The following CMC1 variants were observed in gnomAD, a reference collection of about 807,000 sequenced individuals.
The protein encoded by CMC1 is COX assembly mitochondrial protein homolog.
In CMC1, 14 loss-of-function variants were observed where a neutral mutation model predicts 14.1. The ratio of observed to expected loss-of-function variants is 0.99; its 90% CI spans 0.66 to 1.55. The LOEUF (loss-of-function observed/expected upper bound fraction) is 1.55, where lower values mean the gene tolerates loss of function less well. CMC1 is among the 40% of genes most tolerant of loss of function. The pLI is 0.00. For missense variants in CMC1, 127 were observed against 123.8 expected, an observed-to-expected ratio of 1.03 and a Z score of -0.12; for synonymous variants, 50 against 38.4, an observed-to-expected ratio of 1.30 and a Z score of -1.12.
Position 28,322,850 on chromosome 3 carries a change from A to AGAT in CMC1, c.*3222_*3224dup, listed in dbSNP as rs1185811305. Reference sequence around the variant, plus strand: ...GAAGAGATCTGAGATATTGAGTTCAAGATATATGAAACTGTCTATCAAAAA... The same window carrying AGAT: ...GAAGAGATCTGAGATATTGAGTTCAAGATGATATATGAAACTGTCTATCAAAAA... On this transcript the variant is annotated 3_prime_UTR_variant, in exon 4 of 4. Transcript: ENST00000466830. 7 of 151,394 alleles carry AGAT rather than the reference A, an allele frequency of 4.6e-5. No homozygotes were observed. The highest frequency in any genetic ancestry group is 1.4e-4 in the African/African-American group (6 of 41,448). 9.4% of individuals were successfully genotyped at this position (151,394 alleles called of 1,614,324 possible).
At position 28,274,206 on chromosome 3, in the gene CMC1, G is replaced by GTTTTTTTT. The variant is rs1265139321; in HGVS notation, c.109+10831_109+10832insTTTTTTTT. 5.5e-4 allele frequency among the ~76,000 whole-genome samples: 46 copies of GTTTTTTTT among 83,062 alleles called. 2 individuals are homozygous for GTTTTTTTT. The highest frequency in any genetic ancestry group is 1.5e-3 in the South Asian group (4 of 2,676). 54.5% of individuals were successfully genotyped at this position (83,062 alleles called of 152,430 possible). ...GTGTCATTGGTCTTTGTACTAAAGT[G>GTTTTTTTT]TTTTTGTTTTTTTCTTTTTTTTTTT... On this transcript the variant is annotated intron_variant, in intron 2 of 3. Coordinates refer to ENST00000466830, the MANE Select transcript of CMC1 (RefSeq NM_182523.2).
At chr3:28,261,569 C>T (rs981586788) in intron 1 of CMC1, among the ~76,000 whole-genome samples, 1 of 152,156 alleles carries the variant, frequency 6.6e-6, no homozygotes, top group Non-Finnish European at 1.5e-5. Flanking sequence ...TTCAATTTGC[C>T]ATTTTAGTCC....
chr3:28,316,292 A>T (rs1044810696), intron 2 of CMC1, 41 bp from the exon 3 acceptor site: 1 of 1,026,558 alleles, frequency 9.7e-7, no homozygotes, highest in Non-Finnish European at 1.4e-6. Context: ...ATTTATATAG[A>T]TATAATTACA....
chr3:28,279,928 G>A (rs921311451), intron 2 of CMC1, among the ~76,000 whole-genome samples: 5 of 152,138 alleles, frequency 3.3e-5, no homozygotes, highest in Admixed American at 2.0e-4. Flanking sequence ...CAGGAGAAAT[G>A]AAACTACGTA....
chr3:28,319,642 A>G lies in CMC1; in HGVS notation c.*13A>G. The G allele has an allele frequency of 6.3e-7, 1 of 1,589,238 alleles. No homozygotes were observed. The highest frequency in any genetic ancestry group is 1.2e-5 in the South Asian group (1 of 86,094). ...AACAAGCATGTAGGCAGATACTCAA[A>G]TGACATTCAGGAACTCTAATATTCA... On this transcript the variant is annotated 3_prime_UTR_variant, in exon 4 of 4. Transcript: ENST00000466830.
In CMC1 at chr3:28,241,805, C is replaced by T. The variant is rs1698531974; in HGVS notation, c.12C>T (p.Asp4=). 8.9e-6 allele frequency: 11 copies of T among 1,239,936 alleles called. No homozygotes were observed. Among genetic ancestry groups the T allele is most frequent in the South Asian group, 4.1e-5 (1 of 24,416 alleles). 76.8% of individuals were successfully genotyped at this position (1,239,936 alleles called of 1,614,324 possible). The part of the protein sequence containing the change: MAL[D]PADQHLRHVE... ...CTCGGCCCGCCGAGATGGCGCTCGA[C>T]CCCGCAGGTACCGGGGCGGGAAGCG... Residue 4 remains aspartate (D), a synonymous_variant, in exon 1 of 4, where the codon GAC becomes GAT. Transcript: ENST00000466830.
intron 1 of CMC1, among the ~76,000 whole-genome samples, chr3:28,254,963 A>T (rs1699316033): frequency 6.6e-6 from 1 of 152,210 alleles, no homozygotes; most frequent in African/African-American, 2.4e-5. Context: ...GTAAGTAAGC[A>T]TCAGCTTTCC....
chr3:28,263,037 A>T (rs1263953227), intron 1 of CMC1: 3 of 362,956 alleles, frequency 8.3e-6, no homozygotes, highest in African/African-American at 4.4e-5. Context: ...GTTATAAAGT[A>T]AAGATGTTGT....
At chr3:28,278,736 A>T (rs1700720088) in intron 2 of CMC1, among the ~76,000 whole-genome samples, 2 of 152,192 alleles carry the variant, frequency 1.3e-5, no homozygotes, top group African/African-American at 4.8e-5. Context: ...TAAATTACCT[A>T]TTCGGTATCA....
chr3:28,316,113 CT>C, intron 2 of CMC1: 1 of 344,036 alleles, frequency 2.9e-6, no homozygotes, highest in Non-Finnish European at 5.2e-6. Flanking sequence ...CTTATTCTGC[CT>C]TTTACTGGTG....
At chr3:28,299,115 ATTACT>A (rs1414673228) in intron 2 of CMC1, among the ~76,000 whole-genome samples, 2 of 152,054 alleles carry the variant, frequency 1.3e-5, no homozygotes, top group Non-Finnish European at 2.9e-5. Flanking sequence ...GATATATTTA[ATTACT>A]TTACTCCATC....
At chr3:28,319,063 T>G in intron 3 of CMC1, 2 of 346,400 alleles carry the variant, frequency 5.8e-6, no homozygotes, top group Non-Finnish European at 1.1e-5. Flanking sequence ...TGCATTAATT[T>G]TTCCTCATCC....
intron 2 of CMC1, among the ~76,000 whole-genome samples, chr3:28,308,746 A>G (rs1300840759): frequency 6.6e-6 from 1 of 152,150 alleles, no homozygotes; most frequent in Non-Finnish European, 1.5e-5. Flanking sequence ...GCACTTTGGG[A>G]GGCCGAGGTG....
intron 2 of CMC1, among the ~76,000 whole-genome samples, chr3:28,312,521 A>G (rs1304744341): frequency 3.3e-5 from 5 of 152,242 alleles, no homozygotes; most frequent in African/African-American, 4.8e-5. Flanking sequence ...TTCTAGTTCA[A>G]TGCACAGTTG....
At chr3:28,274,069 G>A (rs776051275) in intron 2 of CMC1, among the ~76,000 whole-genome samples, 13 of 151,836 alleles carry the variant, frequency 8.6e-5, no homozygotes, top group Non-Finnish European at 1.6e-4. Context: ...CTTCTAATTG[G>A]GGGCATTTAG....
intron 1 of CMC1, among the ~76,000 whole-genome samples, chr3:28,249,091 A>G (rs1441435860): frequency 1.3e-5 from 2 of 152,118 alleles, no homozygotes; most frequent in South Asian, 2.1e-4. Flanking sequence ...CGCCCAGCCT[A>G]TTTTTGCATT....
In CMC1 at chr3:28,263,158, C is replaced by T. The variant is rs913042439; in HGVS notation, c.20-133C>T. The stretch of plus-strand genomic sequence containing the variant: ...GATGAGTTTTAATGACTAAAATAAT[C>T]ACAATTTCATAAGGTTGTAAGTTTT... On this transcript the variant is annotated intron_variant, in intron 1 of 3. Transcript: ENST00000466830. 4 of 634,626 alleles carry T rather than the reference C, an allele frequency of 6.3e-6. No homozygotes were observed. In the African/African-American group the frequency reaches 7.8e-5, roughly 12 times the overall value. 39.3% of individuals were successfully genotyped at this position (634,626 alleles called of 1,614,324 possible).
chr3:28,287,544 T>G (rs1221586984), intron 2 of CMC1, among the ~76,000 whole-genome samples: 1 of 152,112 alleles, frequency 6.6e-6, no homozygotes, highest in East Asian at 1.9e-4. Flanking sequence ...TGTGCAGATA[T>G]TTACATGTTT....
At chr3:28,288,228 T>C (rs1245089748) in intron 2 of CMC1, among the ~76,000 whole-genome samples, 2 of 152,120 alleles carry the variant, frequency 1.3e-5, no homozygotes, top group African/African-American at 2.4e-5. Context: ...TTAAAAGATA[T>C]TTTGGAAATA....
Sources: allele counts gnomAD v4.1 joint callset (sites outside exome capture counted in the v4.1 genomes callset), GRCh38; gene constraint gnomAD v4.1.1; transcripts MANE v1.5; gene names NCBI Gene and HGNC (gene_info 2026-07-23, HGNC 2026-07-21).